The following ZNF804B variants were observed in gnomAD, a reference collection of about 807,000 sequenced individuals.
The protein encoded by ZNF804B is zinc finger 804B.
Under a neutral mutation model 101.4 loss-of-function variants are expected in ZNF804B, and 80 were observed. The ratio of observed to expected loss-of-function variants is 0.79; its 90% CI spans 0.66 to 0.95. The LOEUF is 0.95. ZNF804B is among the 40% of genes least tolerant of loss of function. ZNF804B has a pLI of 0.00. For synonymous variants in ZNF804B, 622 were observed against 558.8 expected, an observed-to-expected ratio of 1.11 and a Z score of -1.59; for missense variants, 1,673 against 1,561.9, an observed-to-expected ratio of 1.07 and a Z score of -1.20.
At chr7:89,004,684 C>G (rs1447690298) in intron 1 of ZNF804B, among the ~76,000 whole-genome samples, 1 of 151,398 alleles carries the variant, frequency 6.6e-6, no homozygotes, top group Admixed American at 6.6e-5. Context: ...AAACTTAGAA[C>G]CAAAATTATA....
intron 1 of ZNF804B, among the ~76,000 whole-genome samples, chr7:88,905,372 T>G (rs2115962395): frequency 6.6e-6 from 1 of 152,212 alleles, no homozygotes; most frequent in South Asian, 2.1e-4. Context: ...TTTTGTTTTT[T>G]TTTTAGATGG....
chr7:89,087,043 CT>C (rs1159767427), intron 1 of ZNF804B, among the ~76,000 whole-genome samples: 118 of 114,600 alleles, frequency 1.0e-3, no homozygotes, highest in African/African-American at 2.1e-3. Context: ...TACATAATAA[CT>C]TTTTTTAAAT....
At chr7:88,972,572 T>C (rs1793554167) in intron 1 of ZNF804B, among the ~76,000 whole-genome samples, 1 of 151,270 alleles carries the variant, frequency 6.6e-6, no homozygotes, top group African/African-American at 2.4e-5. Flanking sequence ...TAATTATCAG[T>C]TTTTCATAAA....
rs1790192905 is a variant in ZNF804B at position 89,286,169 on chromosome 7, A to G, written c.250-41175A>G. ...TGAGGTGGTCTGCTTGTCCTCAAAT[A>G]CAGTGTCTCTTCTGTAGCCTCTAAA... On this transcript the variant is annotated intron_variant, in intron 2 of 3. Coordinates refer to ENST00000333190, the MANE Select transcript of ZNF804B (RefSeq NM_181646.5). Among the ~76,000 whole-genome samples, 6 of 152,174 alleles carry G rather than the reference A, an allele frequency of 3.9e-5. No homozygotes were observed. In the South Asian group the frequency reaches 1.2e-3, roughly 31 times the overall value.
chr7:88,918,268 T>A (rs114228920), intron 1 of ZNF804B, among the ~76,000 whole-genome samples: 1 of 152,114 alleles, frequency 6.6e-6, no homozygotes, highest in African/African-American at 2.4e-5. Flanking sequence ...CTTTAAGATA[T>A]GCAATGCGTT....
Position 88,921,664 on chromosome 7 carries a change from GT to G in ZNF804B, c.108+161583del, listed in dbSNP as rs978721596. Among the ~76,000 whole-genome samples the G allele has an allele frequency of 4.6e-5, 7 of 152,140 alleles. No individual in the cohort carries two copies. In the South Asian group the frequency reaches 1.0e-3, roughly 23 times the overall value. On this transcript the variant is annotated intron_variant, in intron 1 of 3. Transcript: ENST00000333190. ...TTCCCGTGAGAATGATTACTAGCAT[GT>G]TTACTAGAGGGTGAGACTAGGTTAA...
intron 3 of ZNF804B, among the ~76,000 whole-genome samples, chr7:89,331,775 T>C (rs1283227658): frequency 6.6e-6 from 1 of 151,336 alleles, no homozygotes; most frequent in East Asian, 1.9e-4. Context: ...AGAAAAAGAC[T>C]GAAGACAGAA....
intron 1 of ZNF804B, among the ~76,000 whole-genome samples, chr7:88,818,266 A>T (rs948871410): frequency 1.3e-5 from 2 of 152,184 alleles, no homozygotes; most frequent in African/African-American, 4.8e-5. Flanking sequence ...TTGAAAAAAT[A>T]TCTGTAGGTT....
At chr7:88,969,610 C>T (rs1793503698) in intron 1 of ZNF804B, among the ~76,000 whole-genome samples, 1 of 151,644 alleles carries the variant, frequency 6.6e-6, no homozygotes, top group African/African-American at 2.4e-5. Flanking sequence ...TTACTTCTAA[C>T]ATTAAGTTGT....
chr7:88,760,606 G>A (rs2115602595), intron 1 of ZNF804B, among the ~76,000 whole-genome samples: 1 of 152,220 alleles, frequency 6.6e-6, no homozygotes, highest in Non-Finnish European at 1.5e-5. Flanking sequence ...CATTCTTTAA[G>A]GGGAAGTAAG....
chr7:89,189,792 C>T (rs1170611589), intron 1 of ZNF804B, among the ~76,000 whole-genome samples: 1 of 152,008 alleles, frequency 6.6e-6, no homozygotes, highest in Non-Finnish European at 1.5e-5. Context: ...AAATTTTTTT[C>T]TTTCTTAAAA....
intron 1 of ZNF804B, among the ~76,000 whole-genome samples, chr7:88,936,287 T>C (rs1291605722): frequency 6.6e-6 from 1 of 152,068 alleles, no homozygotes. Context: ...GATATCTTTA[T>C]TATGTAGGGA....
chr7:89,234,566 G>T (rs926955031), intron 2 of ZNF804B, among the ~76,000 whole-genome samples: 1 of 152,114 alleles, frequency 6.6e-6, no homozygotes, highest in Non-Finnish European at 1.5e-5. Flanking sequence ...GTCAGTGAGG[G>T]CATTTCCAGA....
intron 1 of ZNF804B, among the ~76,000 whole-genome samples, chr7:89,031,327 C>T (rs1788831052): frequency 6.6e-6 from 1 of 151,562 alleles, no homozygotes; most frequent in Non-Finnish European, 1.5e-5. Flanking sequence ...CGCACGGCCC[C>T]TGTGTCACCA....
At chr7:89,201,655 T>G (rs543354356) in intron 1 of ZNF804B, among the ~76,000 whole-genome samples, 1 of 152,042 alleles carries the variant, frequency 6.6e-6, no homozygotes, top group East Asian at 1.9e-4. Flanking sequence ...AAAGAGAAAA[T>G]GGGAGATAGT....
At chr7:89,128,007 G>A (rs1790498228) in intron 1 of ZNF804B, among the ~76,000 whole-genome samples, 1 of 151,484 alleles carries the variant, frequency 6.6e-6, no homozygotes, top group Non-Finnish European at 1.5e-5. Flanking sequence ...TAACTTGTTT[G>A]GCACTGAAGT....
chr7:89,171,285 GCTGCTTCTTCTTCTTCTT>G lies in ZNF804B; in HGVS notation c.109-46867_109-46850del, dbSNP rs1269299313. Among the ~76,000 whole-genome samples the G allele has an allele frequency of 2.4e-3, 155 of 64,684 alleles. 1 individual carries two copies. The highest frequency in any genetic ancestry group is 6.9e-3 in the African/African-American group (132 of 19,040). 42.4% of individuals were successfully genotyped at this position (64,684 alleles called of 152,430 possible). A position where few individuals can be genotyped will look rare whatever the true frequency, so the allele number is the denominator to read the frequency against. On this transcript the variant is annotated intron_variant, in intron 1 of 3. Coordinates refer to ENST00000333190, the MANE Select transcript of ZNF804B (RefSeq NM_181646.5). ...TGAAGTAGGCACAAATAATGCTGCT[GCTGCTTCTTCTTCTTCTT>G]CTTCTTCTTCTTCTTCTTCTTCTTC...
chr7:88,875,345 C>G (rs1166617665), intron 1 of ZNF804B, among the ~76,000 whole-genome samples: 2 of 151,944 alleles, frequency 1.3e-5, no homozygotes, highest in Non-Finnish European at 2.9e-5. Flanking sequence ...CACAAAAAAC[C>G]CTTCAAAAAA....
chr7:89,167,394 G>A (rs1019920873), intron 1 of ZNF804B, among the ~76,000 whole-genome samples: 3 of 151,838 alleles, frequency 2.0e-5, no homozygotes, highest in South Asian at 2.1e-4. Context: ...AGTGAGCCAC[G>A]ATCGTGCCAT....
Sources: gnomAD v4.1 joint callset for allele counts (sites outside exome capture counted in the v4.1 genomes callset) on GRCh38, gnomAD v4.1.1 for gene constraint, MANE v1.5 for transcripts, NCBI Gene and HGNC (gene_info 2026-07-23, HGNC 2026-07-21) for gene names.